The following LMTK2 variants were observed in gnomAD, a reference collection of about 807,000 sequenced individuals.
LMTK2 encodes the protein lemur tail kinase 2, also known as serine/threonine-protein kinase LMTK2.
LMTK2 carries 37 observed loss-of-function variants against 127.5 expected under a neutral mutation model. The ratio of observed to expected loss-of-function variants is 0.29; its 90% CI spans 0.22 to 0.38. LMTK2 has a LOEUF of 0.38. LMTK2 is among the 10% of genes least tolerant of loss of function. LMTK2 has a pLI of 1.00. For synonymous variants in LMTK2, 819 were observed against 810.1 expected (o/e 1.01, Z -0.19); for missense variants, 1,694 against 1,920.3 (o/e 0.88, Z 2.20).
intron 1 of LMTK2, among the ~76,000 whole-genome samples, chr7:98,127,432 C>T (rs1291067823): frequency 6.6e-6 from 1 of 152,188 alleles, no homozygotes; most frequent in African/African-American, 2.4e-5. Flanking sequence ...CTTTGTCTAA[C>T]CTTTGTCTAA....
In LMTK2 at chr7:98,191,779, C is replaced by T; in HGVS notation, c.1314C>T (p.Ser438=). 1 of 1,614,180 alleles carries T rather than the reference C, an allele frequency of 6.2e-7. No homozygotes were observed. Among genetic ancestry groups the T allele is most frequent in the Non-Finnish European group, 8.5e-7 (1 of 1,180,034 alleles). ...AGCCGAACACAAACAGCAGAGACTCCTCCAACAATGCTGCATTCCCAATTC... is the reference window on the plus strand; with the variant it reads ...AGCCGAACACAAACAGCAGAGACTCTTCCAACAATGCTGCATTCCCAATTC... ...ALKPNTNSRD[S]SNNAAFPILD... is the part of the protein sequence containing the mutation. The change falls in exon 11 of 14, where the codon TCC becomes TCT. Residue 438 remains serine (S), a synonymous_variant. Coordinates refer to ENST00000297293, the MANE Select transcript of LMTK2 (RefSeq NM_014916.4).
chr7:98,117,355 A>G (rs1377730559), intron 1 of LMTK2, among the ~76,000 whole-genome samples: 1 of 152,062 alleles, frequency 6.6e-6, no homozygotes, highest in Admixed American at 6.5e-5. Flanking sequence ...TCCCGGGCCC[A>G]TGCGATCCTC....
At chr7:98,111,268 C>T (rs1205134243) in intron 1 of LMTK2, among the ~76,000 whole-genome samples, 2 of 152,300 alleles carry the variant, frequency 1.3e-5, no homozygotes, top group Middle Eastern at 3.4e-3. Flanking sequence ...TCTCTGGCCC[C>T]TGTGTATTGT....
intron 4 of LMTK2, among the ~76,000 whole-genome samples, chr7:98,152,931 G>A (rs1796878218): frequency 1.3e-5 from 2 of 152,160 alleles, no homozygotes; most frequent in South Asian, 2.1e-4. Context: ...AGAGCATGCG[G>A]GTGTAGACTT....
chr7:98,162,044 G>A (rs1324094119), intron 6 of LMTK2, among the ~76,000 whole-genome samples: 16 of 152,080 alleles, frequency 1.1e-4, no homozygotes, highest in Admixed American at 8.5e-4. Context: ...TTCTGCATGC[G>A]TTCTTGAAAG....
chr7:98,186,660 C>T (rs375854220), intron 8 of LMTK2, among the ~76,000 whole-genome samples: 6 of 152,142 alleles, frequency 3.9e-5, no homozygotes, highest in African/African-American at 1.4e-4. Context: ...ACTTAGCAAG[C>T]GTTCATGGCT....
Position 98,193,463 on chromosome 7 carries a change from C to T in LMTK2, c.2998C>T (p.Leu1000=), listed in dbSNP as rs756893370. 6 of 1,614,076 alleles carry T rather than the reference C, an allele frequency of 3.7e-6. No individual in the cohort carries two copies. Among genetic ancestry groups the T allele is most frequent in the African/African-American group, 2.7e-5 (2 of 74,914 alleles). Residue 1000 remains leucine (L), a synonymous_variant, in exon 11 of 14, where the codon CTG becomes TTG. Transcript: ENST00000297293. This position sits in a 1 kb window ranked among gnomAD's most constrained non-coding sequence, Gnocchi z 4.1. ...GCCGTCCCTGGAAACCCCGGACTCT[C>T]TGGAGTCAGTGGATGTCCACGAAGC... ...SEPSLETPDS[L]ESVDVHEALL...
chr7:98,175,248 G>A (rs1333921823), intron 7 of LMTK2, among the ~76,000 whole-genome samples: 1 of 152,146 alleles, frequency 6.6e-6, no homozygotes, highest in African/African-American at 2.4e-5. Flanking sequence ...TTGAAGAATG[G>A]GCATCAGTTG....
intron 4 of LMTK2, among the ~76,000 whole-genome samples, chr7:98,153,662 G>A (rs1276079844): frequency 2.6e-5 from 4 of 152,184 alleles, no homozygotes; most frequent in South Asian, 4.2e-4. Flanking sequence ...CACTTGAGGC[G>A]AGGAGTTTGA....
intron 11 of LMTK2, among the ~76,000 whole-genome samples, chr7:98,197,870 A>G (rs1424208624): frequency 6.6e-6 from 1 of 152,206 alleles, no homozygotes; most frequent in Non-Finnish European, 1.5e-5. Flanking sequence ...GCTTTGAGGA[A>G]TAAACATTCA....
chr7:98,131,906 T>G (rs1268819899), intron 1 of LMTK2, among the ~76,000 whole-genome samples: 1 of 152,230 alleles, frequency 6.6e-6, no homozygotes, highest in Non-Finnish European at 1.5e-5. Flanking sequence ...TAAGCAGCTC[T>G]ACTTCCTGAA....
intron 1 of LMTK2, among the ~76,000 whole-genome samples, chr7:98,122,346 C>T (rs1451654386): frequency 6.6e-6 from 1 of 152,078 alleles, no homozygotes; most frequent in Admixed American, 6.6e-5. Context: ...TAGGCAGTTT[C>T]CCAGTTCTCA....
At chr7:98,115,942 A>G (rs1256127168) in intron 1 of LMTK2, among the ~76,000 whole-genome samples, 2 of 152,172 alleles carry the variant, frequency 1.3e-5, no homozygotes, top group East Asian at 3.9e-4. Flanking sequence ...GCTGGAGTGC[A>G]GTGAACTGTC....
At chr7:98,190,388 C>T (rs934347214) in intron 9 of LMTK2, among the ~76,000 whole-genome samples, 1 of 152,194 alleles carries the variant, frequency 6.6e-6, no homozygotes, top group African/African-American at 2.4e-5. Context: ...TTGAGAGCAG[C>T]CTGGCCAACG....
intron 5 of LMTK2, among the ~76,000 whole-genome samples, chr7:98,157,343 T>C (rs1200984065): frequency 6.6e-6 from 1 of 151,774 alleles, no homozygotes; most frequent in Admixed American, 6.6e-5. Flanking sequence ...GGCAATAATT[T>C]CATCAAAAAA....
intron 1 of LMTK2, among the ~76,000 whole-genome samples, chr7:98,135,079 T>C (rs751438048): frequency 6.6e-6 from 1 of 152,218 alleles, no homozygotes; most frequent in Non-Finnish European, 1.5e-5. Flanking sequence ...CCTTTTGTTA[T>C]TGAAAAAGAA....
At position 98,172,018 on chromosome 7, in the gene LMTK2, C is replaced by G. The variant is rs543119763; in HGVS notation, c.791+344C>G. Among the ~76,000 whole-genome samples the G allele has an allele frequency of 2.0e-5, 3 of 152,312 alleles. No individual in the cohort carries two copies. The South Asian group carries it at 6.2e-4, about 32-fold the overall frequency. On this transcript the variant is annotated intron_variant, in intron 7 of 13. Transcript: ENST00000297293. ...CCACACCAGCTTTAGGCTTCTGGTG[C>G]CACCCGCCCGGTTTCATGGTGCATC...
intron 1 of LMTK2, among the ~76,000 whole-genome samples, chr7:98,131,198 A>C (rs1796515907): frequency 6.6e-6 from 1 of 152,104 alleles, no homozygotes; most frequent in East Asian, 1.9e-4. Flanking sequence ...GACCATTATC[A>C]CTCCAAGGAG....
intron 1 of LMTK2, among the ~76,000 whole-genome samples, chr7:98,119,686 C>T (rs532326890): frequency 4.2e-4 from 64 of 152,264 alleles, no homozygotes; most frequent in Non-Finnish European, 8.5e-4. Flanking sequence ...GGCCTCAGCT[C>T]ACTGCAGCTA....
Sources: gnomAD v4.1 joint callset for allele counts (sites outside exome capture counted in the v4.1 genomes callset) on GRCh38, gnomAD v4.1.1 for gene constraint, Gnocchi (gnomAD v3.1) non-coding constraint, MANE v1.5 for transcripts, NCBI Gene and HGNC (gene_info 2026-07-23, HGNC 2026-07-21) for gene names.